MBNL1: variants seen among roughly 807,000 people sequenced by gnomAD.
MBNL1 encodes muscleblind-like protein 1.
MBNL1 carries 8 observed loss-of-function variants against 42.2 expected under a neutral mutation model. That is an observed-to-expected ratio of 0.19 (90% CI 0.11 to 0.34). The LOEUF (loss-of-function observed/expected upper bound fraction) is 0.34. MBNL1 is among the 10% of genes least tolerant of loss of function. The pLI is 1.00. For synonymous variants in MBNL1, 169 were observed against 173.9 expected, an observed-to-expected ratio of 0.97 and a Z score of 0.22; for missense variants, 309 against 495.3, an observed-to-expected ratio of 0.62 and a Z score of 3.57.
At chr3:152,280,088 G>A (rs1426420147) in intron 1 of MBNL1, among the ~76,000 whole-genome samples, 1 of 152,148 alleles carries the variant, frequency 6.6e-6, no homozygotes, top group Non-Finnish European at 1.5e-5. Context: ...GCAAAAGAAA[G>A]CATCCTTAAT....
intron 4 of MBNL1, among the ~76,000 whole-genome samples, chr3:152,444,402 T>G (rs1008525633): frequency 6.6e-6 from 1 of 152,178 alleles, no homozygotes; most frequent in Non-Finnish European, 1.5e-5. Context: ...CAATCTTTTT[T>G]TACTGCTTTA....
intron 1 of MBNL1, among the ~76,000 whole-genome samples, chr3:152,297,896 C>T (rs1160282325): frequency 6.6e-6 from 1 of 151,806 alleles, no homozygotes; most frequent in African/African-American, 2.4e-5. Context: ...CCTTGTGATC[C>T]ACCCACCTCA....
chr3:152,394,578 A>G (rs1022050408), intron 2 of MBNL1, among the ~76,000 whole-genome samples: 8 of 152,076 alleles, frequency 5.3e-5, no homozygotes, highest in African/African-American at 1.9e-4. Flanking sequence ...TGTGAGATCT[A>G]CTCTTTCCTT....
chr3:152,379,940 T>C (rs920045108), intron 2 of MBNL1, among the ~76,000 whole-genome samples: 1 of 152,132 alleles, frequency 6.6e-6, no homozygotes, highest in Non-Finnish European at 1.5e-5. Flanking sequence ...TAAGTAGATA[T>C]AATTTCTAAA....
At chr3:152,378,979 G>C (rs534197758) in intron 2 of MBNL1, among the ~76,000 whole-genome samples, 2 of 151,832 alleles carry the variant, frequency 1.3e-5, no homozygotes, top group African/African-American at 4.8e-5. Context: ...ACCTCCCAAA[G>C]TGGTAAGATT....
chr3:152,396,610 C>CTG (rs2097952325), intron 2 of MBNL1, among the ~76,000 whole-genome samples: 1 of 152,202 alleles, frequency 6.6e-6, no homozygotes, highest in South Asian at 2.1e-4. Flanking sequence ...ATTTTTTCCA[C>CTG]CCTGGTTTCA....
chr3:152,256,482 G>T (rs1366393645), intron 2 of MBNL1, among the ~76,000 whole-genome samples: 1 of 152,104 alleles, frequency 6.6e-6, no homozygotes, highest in Non-Finnish European at 1.5e-5. Flanking sequence ...TAGCTATTGG[G>T]ATTAGGGATA....
intron 2 of MBNL1, among the ~76,000 whole-genome samples, chr3:152,365,208 G>C (rs751580888): frequency 3.3e-5 from 5 of 151,932 alleles, no homozygotes; most frequent in Non-Finnish European, 5.9e-5. Flanking sequence ...GTCCAAAAAC[G>C]CTTGTCAGTT....
At chr3:152,312,178 C>T (rs1384789834) in intron 2 of MBNL1, among the ~76,000 whole-genome samples, 5 of 122,992 alleles carry the variant, frequency 4.1e-5, no homozygotes, top group Non-Finnish European at 7.9e-5. Flanking sequence ...GGCGACAGAG[C>T]GAGACTCCGT....
intron 2 of MBNL1, among the ~76,000 whole-genome samples, chr3:152,408,066 G>A (rs2098475872): frequency 6.6e-6 from 1 of 152,076 alleles, no homozygotes; most frequent in Admixed American, 6.6e-5. Flanking sequence ...TGGATTGATA[G>A]GTGCGGCAAA....
intron 5 of MBNL1, 50 bp downstream of exon 5, chr3:152,445,589 T>C: frequency 6.4e-7 from 1 of 1,555,656 alleles, no homozygotes; most frequent in Non-Finnish European, 8.7e-7. Flanking sequence ...AAAAGCAAAG[T>C]GAGCAACTAT....
intron 1 of MBNL1, chr3:152,269,483 C>T (rs2038953546): frequency 2.2e-6 from 1 of 454,264 alleles, no homozygotes; most frequent in South Asian, 1.6e-5. Flanking sequence ...GAGCGGCGCG[C>T]GGGTCTTCCC....
At chr3:152,450,100 C>CAAA (rs752943755) in intron 6 of MBNL1, among the ~76,000 whole-genome samples, 2 of 88,028 alleles carry the variant, frequency 2.3e-5, no homozygotes, top group Non-Finnish European at 4.3e-5. Context: ...GACTCCATCT[C>CAAA]AAAAAAAAAA....
intron 5 of MBNL1, among the ~76,000 whole-genome samples, chr3:152,446,347 A>G (rs1363721260): frequency 1.3e-5 from 2 of 152,170 alleles, no homozygotes; most frequent in South Asian, 2.1e-4. Context: ...CAGTGAAATA[A>G]TCACGAGAGA....
intron 2 of MBNL1, among the ~76,000 whole-genome samples, chr3:152,315,089 G>T (rs977651944): frequency 1.3e-5 from 2 of 152,242 alleles, no homozygotes; most frequent in Non-Finnish European, 2.9e-5. Context: ...GATGCTTGTA[G>T]CCTGTGTAAT....
chr3:152,300,143 G>GTTGGGT lies in MBNL1; in HGVS notation c.-47_-42dup, dbSNP rs1560048353. 3 of 1,271,462 alleles carry GTTGGGT rather than the reference G, an allele frequency of 2.4e-6. No homozygotes were observed. Among genetic ancestry groups the GTTGGGT allele is most frequent in the Non-Finnish European group, 3.3e-6 (3 of 921,696 alleles). 78.8% of individuals were successfully genotyped at this position (1,271,462 alleles called of 1,614,324 possible). On this transcript the variant is annotated 5_prime_UTR_variant, in exon 2 of 10. Coordinates refer to ENST00000324210, the MANE Select transcript of MBNL1 (RefSeq NM_021038.5). ...TTGGTTGTTGCTCTTTTTTGGGGGG[G>GTTGGGT]TTGGGTTTGTTGGTTTCACTGAAAC... is the stretch of plus-strand genomic sequence containing the variant.
chr3:152,434,918 GT>G (rs1352455008), intron 4 of MBNL1, among the ~76,000 whole-genome samples: 2 of 152,012 alleles, frequency 1.3e-5, no homozygotes, highest in Non-Finnish European at 2.9e-5. Flanking sequence ...GTAAATTTAA[GT>G]TCCTTACAGA....
rs142186815 is a variant in MBNL1, at chr3:152,387,980, A to G, written c.175-26961A>G. Among the ~76,000 whole-genome samples the G allele has an allele frequency of 4.1e-4, 63 of 152,356 alleles. No homozygotes were observed. In the East Asian group the frequency reaches 0.011, roughly 26 times the overall value. ...ATTAGTGAGAAAGGTAAAAGTAAAA[A>G]TAAAGATTAGATGGCCTACAGCTCC... On this transcript the variant is annotated intron_variant, in intron 2 of 9. Coordinates refer to ENST00000324210, the MANE Select transcript of MBNL1 (RefSeq NM_021038.5).
rs919506546 is a variant in MBNL1, at chr3:152,463,979, A to G, written c.*1613A>G. 6.6e-6 allele frequency: 1 copy of G among 152,600 alleles called. No homozygotes were observed. The highest frequency in any genetic ancestry group is 1.5e-5 in the Non-Finnish European group (1 of 67,986). The allele number at this position is 152,600 out of a possible 1,614,324, so 9.5% of individuals were successfully genotyped here. ...GTGTTGATTTTACTGATTGTACTGT[A>G]CATCTATTAAAGCCTTAGATTATTA... On this transcript the variant is annotated 3_prime_UTR_variant, in exon 10 of 10. Transcript: ENST00000324210.
Sources: gnomAD v4.1 joint callset for allele counts (sites outside exome capture counted in the v4.1 genomes callset) on GRCh38, gnomAD v4.1.1 for gene constraint, MANE v1.5 for transcripts, NCBI Gene and HGNC (gene_info 2026-07-23, HGNC 2026-07-21) for gene names.